Variants in SEPTIN2 observed in about 807,000 individuals in gnomAD.
The protein encoded by SEPTIN2 is septin-2.
Under a neutral mutation model 46.5 loss-of-function variants are expected in SEPTIN2, and 34 were observed. The observed-to-expected ratio is 0.73, with a 90% CI of 0.56 to 0.97. SEPTIN2 has a LOEUF of 0.97. Ranked by LOEUF, SEPTIN2 falls within the 50% of genes least tolerant of loss-of-function variation. SEPTIN2 has a pLI of 0.00. For missense variants in SEPTIN2, 347 were observed against 448.4 expected (o/e 0.77, Z 2.04); for synonymous variants, 175 against 153.4 (o/e 1.14, Z -1.04).
intron 1 of SEPTIN2, chr2:241,320,317 C>T (rs1295948580): frequency 2.1e-6 from 1 of 470,994 alleles, no homozygotes; most frequent in African/African-American, 2.0e-5. Context: ...CTTAGTGATA[C>T]TTGTTTTAGT....
chr2:241,330,166 A>G (rs138090843), intron 3 of SEPTIN2, among the ~76,000 whole-genome samples: 22 of 152,248 alleles, frequency 1.4e-4, no homozygotes, highest in African/African-American at 4.8e-4. Context: ...ATCTAAATAA[A>G]AAGTCAATGC....
intron 3 of SEPTIN2, among the ~76,000 whole-genome samples, chr2:241,332,098 A>G (rs1029297839): frequency 2.6e-5 from 4 of 152,268 alleles, no homozygotes; most frequent in Non-Finnish European, 5.9e-5. Context: ...GTAAAGCTAT[A>G]AAAACTACAA....
At chr2:241,319,316 C>T (rs577881511) in intron 1 of SEPTIN2, among the ~76,000 whole-genome samples, 2 of 152,278 alleles carry the variant, frequency 1.3e-5, no homozygotes, top group Non-Finnish European at 2.9e-5. Context: ...CATAATCATC[C>T]AGGCAGTGGC....
At chr2:241,337,272 TG>T in intron 5 of SEPTIN2, 109 bp from the exon 6 acceptor site, 1 of 1,027,738 alleles carries the variant, frequency 9.7e-7, no homozygotes, top group Non-Finnish European at 1.4e-6. Flanking sequence ...ATCTTGAAAA[TG>T]AATTATTAAA....
At chr2:241,338,822 TATATATAATATATATAATAA>T (rs2080684714) in intron 7 of SEPTIN2, among the ~76,000 whole-genome samples, 4 of 97,438 alleles carry the variant, frequency 4.1e-5, no homozygotes, top group Admixed American at 1.6e-4. Flanking sequence ...TTATATTATT[TATATATAATATATATAATAA>T]ATATATAATA....
At position 241,337,686 on chromosome 2, in the gene SEPTIN2, G is replaced by C. The variant is rs1175266791; in HGVS notation, c.490G>C (p.Asp164His). ...SPFGHGLKPL[D>H]VAFMKAIHNK... The stretch of plus-strand genomic sequence containing the variant: ...AATTAATTTTAGACTTAAGCCCTTA[G>C]ATGTGGCGTTTATGAAGGCAATACA... The change falls in exon 7 of 13, where the codon GAT becomes CAT. Residue 164 changes from aspartate (D) to histidine (H), a missense_variant. Asp to His is a moderately conservative substitution (Grantham distance 81). Coordinates refer to ENST00000391971, the MANE Select transcript of SEPTIN2 (RefSeq NM_004404.5). The C allele has an allele frequency of 1.2e-6, 2 of 1,613,596 alleles. No individual in the cohort carries two copies. Among genetic ancestry groups the C allele is most frequent in the Non-Finnish European group, 8.5e-7 (1 of 1,179,724 alleles).
At chr2:241,330,313 A>G (rs567529576) in intron 3 of SEPTIN2, among the ~76,000 whole-genome samples, 2 of 152,318 alleles carry the variant, frequency 1.3e-5, no homozygotes, top group African/African-American at 4.8e-5. Context: ...ACACAATGGG[A>G]AAAAAGATAG....
chr2:241,330,360 T>TA (rs1287721320), intron 3 of SEPTIN2, among the ~76,000 whole-genome samples: 1 of 152,176 alleles, frequency 6.6e-6, no homozygotes, highest in Non-Finnish European at 1.5e-5. Context: ...TGTAAATGGT[T>TA]AAAAAATAAT....
At position 241,353,394 on chromosome 2, in the gene SEPTIN2, C is replaced by G. The variant is rs1439997158; in HGVS notation, c.*1457C>G. The G allele has an allele frequency of 2.0e-5, 3 of 152,124 alleles. No homozygotes were observed. The highest frequency in any genetic ancestry group is 7.2e-5 in the African/African-American group (3 of 41,424). The allele number at this position is 152,124 out of a possible 1,614,324, so 9.4% of individuals were successfully genotyped here. A position where few individuals can be genotyped will look rare whatever the true frequency, so the allele number is the denominator to read the frequency against. Reference sequence around the variant, plus strand: ...TGGGAAATTCAACCCCAGAAATTGACAGATGAAAGGAGACAATGGTTGTGT... The same window carrying G: ...TGGGAAATTCAACCCCAGAAATTGAGAGATGAAAGGAGACAATGGTTGTGT... On this transcript the variant is annotated 3_prime_UTR_variant, in exon 13 of 13. Coordinates refer to ENST00000391971, the MANE Select transcript of SEPTIN2 (RefSeq NM_004404.5).
chr2:241,349,471 C>T (rs1427962845), intron 11 of SEPTIN2, among the ~76,000 whole-genome samples: 3 of 151,908 alleles, frequency 2.0e-5, no homozygotes, highest in African/African-American at 7.3e-5. Flanking sequence ...ATTCCCATTC[C>T]CCTTTACTTT....
intron 1 of SEPTIN2, among the ~76,000 whole-genome samples, chr2:241,318,057 C>T (rs1454014688): frequency 6.6e-6 from 1 of 151,822 alleles, no homozygotes; most frequent in South Asian, 2.1e-4. Context: ...TCCTCTTTCA[C>T]CTTCCATTTC....
chr2:241,346,387 G>A, intron 10 of SEPTIN2, 138 bp downstream of exon 10: 1 of 551,034 alleles, frequency 1.8e-6, no homozygotes, highest in Non-Finnish European at 3.2e-6. Flanking sequence ...TTATAAAAGA[G>A]TTGTTAATTT....
At chr2:241,345,442 T>G (rs545793934) in intron 9 of SEPTIN2, among the ~76,000 whole-genome samples, 30 of 100,440 alleles carry the variant, frequency 3.0e-4, no homozygotes, top group Non-Finnish European at 4.3e-4. Flanking sequence ...TTGGGGACTT[T>G]ACTTTAGTGT....
chr2:241,321,797 CATT>C (rs2077170520), intron 1 of SEPTIN2, among the ~76,000 whole-genome samples: 10 of 152,054 alleles, frequency 6.6e-5, no homozygotes, highest in Admixed American at 6.6e-4. Flanking sequence ...TGGAAGTTCT[CATT>C]GTTATTTTCT....
intron 3 of SEPTIN2, 37 bp downstream of exon 3, chr2:241,326,150 A>C: frequency 6.3e-7 from 1 of 1,580,710 alleles, no homozygotes; most frequent in Non-Finnish European, 8.6e-7. Context: ...CTTACTAAAT[A>C]AATATCTCCC....
At chr2:241,319,947 A>G (rs371120971) in intron 1 of SEPTIN2, among the ~76,000 whole-genome samples, 2 of 152,236 alleles carry the variant, frequency 1.3e-5, no homozygotes, top group East Asian at 3.8e-4. Flanking sequence ...CATATGCCTC[A>G]TCAGCATCTA....
At chr2:241,342,055 C>T (rs781552850) in intron 7 of SEPTIN2, among the ~76,000 whole-genome samples, 3 of 152,202 alleles carry the variant, frequency 2.0e-5, no homozygotes, top group Non-Finnish European at 4.4e-5. Flanking sequence ...TGACTGCTGG[C>T]TGCCTGTTGA....
At chr2:241,328,759 C>T (rs775931274) in intron 3 of SEPTIN2, among the ~76,000 whole-genome samples, 1 of 147,442 alleles carries the variant, frequency 6.8e-6, no homozygotes, top group African/African-American at 2.5e-5. Flanking sequence ...CGGTGGCTCA[C>T]GCCTGTAATC....
At chr2:241,329,160 C>G (rs2078543428) in intron 3 of SEPTIN2, among the ~76,000 whole-genome samples, 1 of 151,788 alleles carries the variant, frequency 6.6e-6, no homozygotes, top group Non-Finnish European at 1.5e-5. Context: ...GAGCCTCGCT[C>G]TGTTGCCCAG....
Sources: allele counts gnomAD v4.1 joint callset (sites outside exome capture counted in the v4.1 genomes callset), GRCh38; gene constraint gnomAD v4.1.1; transcripts MANE v1.5; gene names NCBI Gene and HGNC (gene_info 2026-07-23, HGNC 2026-07-21).